DACH1: variants seen among roughly 807,000 people sequenced by gnomAD.
DACH1 encodes the protein dachshund homolog 1.
DACH1 carries 12 observed loss-of-function variants against 54.2 expected under a neutral mutation model. That is an observed-to-expected ratio of 0.22 (90% CI 0.14 to 0.36). DACH1 has a LOEUF of 0.36. Ranked by LOEUF, DACH1 falls within the 10% of genes least tolerant of loss-of-function variation. DACH1 has a pLI of 1.00. For synonymous variants in DACH1, 386 were observed against 366.2 expected, an observed-to-expected ratio of 1.05 and a Z score of -0.62; for missense variants, 805 against 929.8, an observed-to-expected ratio of 0.87 and a Z score of 1.75.
intron 7 of DACH1, among the ~76,000 whole-genome samples, chr13:71,486,559 C>T (rs932017411): frequency 1.3e-5 from 2 of 151,886 alleles, no homozygotes; most frequent in Non-Finnish European, 2.9e-5. Context: ...GAAATCATTA[C>T]TAACAATAAA....
rs979222758 is a variant in DACH1, at chr13:71,613,640, G to A, written c.1126+16916C>T. Among the ~76,000 whole-genome samples, 6 of 152,240 alleles carry A rather than the reference G, an allele frequency of 3.9e-5. No homozygotes were observed. The South Asian group carries it at 6.2e-4, about 16-fold the overall frequency. On this transcript the variant is annotated intron_variant, in intron 3 of 10. Coordinates refer to ENST00000613252, the MANE Select transcript of DACH1 (RefSeq NM_080759.6). ...TTTGAATCCTAGATATGGTTTGGAG[G>A]AAGAATAAACAGATTACACATGTTA...
intron 1 of DACH1, among the ~76,000 whole-genome samples, chr13:71,692,801 G>A (rs1049526371): frequency 1.1e-4 from 17 of 151,838 alleles, no homozygotes; most frequent in Admixed American, 2.6e-4. Flanking sequence ...GATTACAGGC[G>A]TGAGCCACCA....
In DACH1 at chr13:71,867,181, T is replaced by C. The variant is rs1874891285; in HGVS notation, c.-412A>G. On this transcript the variant is annotated 5_prime_UTR_variant, in exon 1 of 11. The change abolishes an upstream ATG in the 5' untranslated region. Coordinates refer to ENST00000613252, the MANE Select transcript of DACH1 (RefSeq NM_080759.6). The stretch of plus-strand genomic sequence containing the variant: ...ACTTGGGCTCTCCCTGGCAAGTACA[T>C]TGATCAAAGATTGAGAGGGGAATGA... 6.0e-6 allele frequency: 1 copy of C among 166,106 alleles called. No homozygotes were observed. The highest frequency in any genetic ancestry group is 6.4e-5 in the Admixed American group (1 of 15,568). The allele number at this position is 166,106 out of a possible 1,614,324, so 10.3% of individuals were successfully genotyped here.
intron 1 of DACH1, among the ~76,000 whole-genome samples, chr13:71,752,869 C>A (rs1001461626): frequency 6.6e-6 from 1 of 152,134 alleles, no homozygotes; most frequent in African/African-American, 2.4e-5. Context: ...TTTGCCTTCT[C>A]ACCACCGTCA....
rs565936131 is a variant in DACH1, at chr13:71,842,752, C to T, written c.848+23170G>A. On this transcript the variant is annotated intron_variant, in intron 1 of 10. Coordinates refer to ENST00000613252, the MANE Select transcript of DACH1 (RefSeq NM_080759.6). ...AAAAAGAAGATATTTAAATACTCACCTATTACTCAAAGTTAAATTTTAAAA... is the reference window on the plus strand; with the variant it reads ...AAAAAGAAGATATTTAAATACTCACTTATTACTCAAAGTTAAATTTTAAAA... Among the ~76,000 whole-genome samples, 21 of 152,024 alleles carry T rather than the reference C, an allele frequency of 1.4e-4. No homozygotes were observed. In the South Asian group the frequency reaches 4.1e-3, roughly 30 times the overall value.
intron 6 of DACH1, among the ~76,000 whole-genome samples, chr13:71,523,534 T>C (rs1043477191): frequency 2.6e-5 from 4 of 152,066 alleles, no homozygotes; most frequent in Non-Finnish European, 5.9e-5. Flanking sequence ...GTTAGGAAGA[T>C]TATAGGATGA....
At chr13:71,609,547 T>C (rs1482424444) in intron 3 of DACH1, among the ~76,000 whole-genome samples, 1 of 152,110 alleles carries the variant, frequency 6.6e-6, no homozygotes, top group African/African-American at 2.4e-5. Context: ...TTGACTTTTT[T>C]TTTTTCTTTG....
At chr13:71,831,497 G>A (rs1336062608) in intron 1 of DACH1, among the ~76,000 whole-genome samples, 1 of 151,734 alleles carries the variant, frequency 6.6e-6, no homozygotes, top group East Asian at 1.9e-4. Context: ...CCTCTAAAAT[G>A]AGTCCTAACA....
intron 1 of DACH1, among the ~76,000 whole-genome samples, chr13:71,833,520 A>T (rs1045639191): frequency 6.6e-6 from 1 of 151,962 alleles, no homozygotes; most frequent in Non-Finnish European, 1.5e-5. Context: ...AATTTTTTTT[A>T]CAGTATCCTA....
chr13:71,670,183 T>G (rs2078188959), intron 2 of DACH1, among the ~76,000 whole-genome samples: 1 of 152,208 alleles, frequency 6.6e-6, no homozygotes, highest in South Asian at 2.1e-4. Context: ...AGCTCTCCCA[T>G]TAATTATACT....
At chr13:71,624,275 C>A (rs572751642) in intron 3 of DACH1, among the ~76,000 whole-genome samples, 8 of 151,970 alleles carry the variant, frequency 5.3e-5, no homozygotes, top group African/African-American at 1.9e-4. Context: ...GGTTCCTATA[C>A]TTTTAAGAGA....
At chr13:71,761,130 A>G (rs1885385246) in intron 1 of DACH1, among the ~76,000 whole-genome samples, 1 of 152,180 alleles carries the variant, frequency 6.6e-6, no homozygotes, top group Non-Finnish European at 1.5e-5. Flanking sequence ...AAAGATAAGT[A>G]GATTAAGTCC....
chr13:71,807,972 C>T (rs903770180), intron 1 of DACH1, among the ~76,000 whole-genome samples: 4 of 152,158 alleles, frequency 2.6e-5, no homozygotes, highest in Middle Eastern at 3.4e-3. Flanking sequence ...ATAATGTAGT[C>T]GGAGTAATTT....
chr13:71,783,652 A>C (rs201530745), intron 1 of DACH1, among the ~76,000 whole-genome samples: 1 of 152,110 alleles, frequency 6.6e-6, no homozygotes, highest in East Asian at 1.9e-4. Flanking sequence ...GAATGGTTAC[A>C]ATAGATTATA....
chr13:71,762,977 T>G (rs561726562), intron 1 of DACH1, among the ~76,000 whole-genome samples: 1 of 152,062 alleles, frequency 6.6e-6, no homozygotes, highest in Admixed American at 6.6e-5. Context: ...ACCACAGATA[T>G]GGGAAGACAA....
At chr13:71,705,740 T>C (rs1412088801) in intron 1 of DACH1, among the ~76,000 whole-genome samples, 2 of 152,076 alleles carry the variant, frequency 1.3e-5, no homozygotes, top group African/African-American at 2.4e-5. Context: ...TAGATCTCTA[T>C]ATGAAAAGTC....
intron 10 of DACH1, among the ~76,000 whole-genome samples, chr13:71,447,818 A>C (rs1320071684): frequency 1.3e-5 from 2 of 152,096 alleles, no homozygotes; most frequent in East Asian, 3.9e-4. Flanking sequence ...GGAGAAAAAA[A>C]AAAAAAAACC....
intron 3 of DACH1, among the ~76,000 whole-genome samples, chr13:71,607,250 T>G (rs1219475061): frequency 6.6e-6 from 1 of 152,036 alleles, no homozygotes; most frequent in Non-Finnish European, 1.5e-5. Context: ...ATATGATAAT[T>G]TAATCCTTAC....
chr13:71,826,544 T>A (rs1457217642), intron 1 of DACH1, among the ~76,000 whole-genome samples: 2 of 152,028 alleles, frequency 1.3e-5, no homozygotes, highest in Non-Finnish European at 2.9e-5. Context: ...TACTTGTCCA[T>A]GCCATCCCAC....
Sources: allele counts gnomAD v4.1 joint callset (sites outside exome capture counted in the v4.1 genomes callset), GRCh38; gene constraint gnomAD v4.1.1; transcripts MANE v1.5; gene names NCBI Gene and HGNC (gene_info 2026-07-23, HGNC 2026-07-21).